The following METAP2 variants were observed in gnomAD, a reference collection of about 807,000 sequenced individuals.
METAP2 encodes the protein methionine aminopeptidase 2.
In METAP2, 25 loss-of-function variants were observed where a neutral mutation model predicts 59.4. That is an observed-to-expected ratio of 0.42 (90% CI 0.31 to 0.59). METAP2 has a LOEUF of 0.59. Ranked by LOEUF, METAP2 falls within the 20% of genes least tolerant of loss-of-function variation. METAP2 has a pLI of 0.16. For synonymous variants in METAP2, 214 were observed against 194.1 expected (o/e 1.10, Z -0.85); for missense variants, 366 against 581.2 (o/e 0.63, Z 3.81).
At chr12:95,503,582 C>T (rs1015069375) in intron 7 of METAP2, among the ~76,000 whole-genome samples, 3 of 152,156 alleles carry the variant, frequency 2.0e-5, no homozygotes, top group Non-Finnish European at 4.4e-5. Flanking sequence ...GCCTATGTGA[C>T]CAGAAGCAGC....
At chr12:95,505,009 C>A (rs1247257374) in intron 8 of METAP2, among the ~76,000 whole-genome samples, 1 of 152,206 alleles carries the variant, frequency 6.6e-6, no homozygotes, top group African/African-American at 2.4e-5. Context: ...CATCCCCCAG[C>A]CACCATCCTC....
chr12:95,488,360 T>C (rs1413339705), intron 4 of METAP2, among the ~76,000 whole-genome samples: 10 of 151,182 alleles, frequency 6.6e-5, no homozygotes. Context: ...ATAAAAAAAA[T>C]TAGCCGGGTG....
At chr12:95,503,830 A>G (rs140567578) in intron 7 of METAP2, among the ~76,000 whole-genome samples, 2 of 152,202 alleles carry the variant, frequency 1.3e-5, no homozygotes. Flanking sequence ...AGAGTTCCCA[A>G]GTACTTACAT....
chr12:95,487,313 A>G (rs991021874), intron 4 of METAP2, among the ~76,000 whole-genome samples: 8 of 148,860 alleles, frequency 5.4e-5, no homozygotes, highest in African/African-American at 2.0e-4. Flanking sequence ...CTGTAAAGAC[A>G]CCATTTTTTT....
In METAP2 at chr12:95,493,904, T is replaced by C. The variant is rs2076257537; in HGVS notation, c.429-152T>C. ...TAATTTCATTTGAGTTGGTTGCAAGTGTTTGGCTTTTTGTATTTCAGAAAC... is the reference window on the plus strand; with the variant it reads ...TAATTTCATTTGAGTTGGTTGCAAGCGTTTGGCTTTTTGTATTTCAGAAAC... On this transcript the variant is annotated intron_variant, in intron 4 of 10. Transcript: ENST00000323666. The C allele has an allele frequency of 1.2e-5, 7 of 590,178 alleles. No homozygotes were observed. In the South Asian group the frequency reaches 1.3e-4, roughly 11 times the overall value. 36.6% of individuals were successfully genotyped at this position (590,178 alleles called of 1,614,324 possible). A position where few individuals can be genotyped will look rare whatever the true frequency, so the allele number is the denominator to read the frequency against.
At chr12:95,478,585 T>C (rs1371374395) in intron 2 of METAP2, among the ~76,000 whole-genome samples, 2 of 151,340 alleles carry the variant, frequency 1.3e-5, no homozygotes, top group South Asian at 2.1e-4. Flanking sequence ...TCAGTGGAGG[T>C]TGCGCCATTG....
At chr12:95,503,878 G>A (rs2076335414) in intron 7 of METAP2, among the ~76,000 whole-genome samples, 187 bp from the exon 8 acceptor site, 1 of 152,098 alleles carries the variant, frequency 6.6e-6, no homozygotes, top group Non-Finnish European at 1.5e-5. Context: ...GTCTATTTAG[G>A]GAGGCAGATT....
At chr12:95,485,838 T>C (rs1184825531) in intron 3 of METAP2, 41 bp from the exon 4 acceptor site, 4 of 1,319,536 alleles carry the variant, frequency 3.0e-6, no homozygotes, top group South Asian at 2.9e-5. Flanking sequence ...CTTAATTTTA[T>C]TTTTAACTAC....
chr12:95,487,443 GCTT>G (rs990432289), intron 4 of METAP2, among the ~76,000 whole-genome samples: 69 of 152,082 alleles, frequency 4.5e-4, no homozygotes, highest in Admixed American at 2.2e-3. Flanking sequence ...TATGACATGG[GCTT>G]CTTTTCTTTG....
chr12:95,478,129 C>CA (rs1490726116), intron 2 of METAP2, among the ~76,000 whole-genome samples: 8 of 151,556 alleles, frequency 5.3e-5, no homozygotes, highest in African/African-American at 1.9e-4. Flanking sequence ...CCCCACCCCC[C>CA]AAAAAAAATC....
rs192139845 is a variant in METAP2, at chr12:95,513,400, A to C, written c.1185-252A>C. Among the ~76,000 whole-genome samples the C allele has an allele frequency of 2.0e-5, 3 of 152,342 alleles. No individual in the cohort carries two copies. The East Asian group carries it at 5.8e-4, about 29-fold the overall frequency. On this transcript the variant is annotated intron_variant, in intron 10 of 10. Coordinates refer to ENST00000323666, the MANE Select transcript of METAP2 (RefSeq NM_006838.4). ...GTCTCTAGTGGGGAATATAACACAC[A>C]CACACGCACACGCGCGCGCACGTAG...
chr12:95,487,623 TTTCC>T (rs2076207195), intron 4 of METAP2, among the ~76,000 whole-genome samples: 1 of 151,944 alleles, frequency 6.6e-6, no homozygotes, highest in South Asian at 2.1e-4. Context: ...TCCCTCTTCT[TTTCC>T]TTCCTTCCAG....
At chr12:95,498,759 A>T (rs1157969257) in intron 7 of METAP2, among the ~76,000 whole-genome samples, 1 of 152,156 alleles carries the variant, frequency 6.6e-6, no homozygotes, top group Non-Finnish European at 1.5e-5. Flanking sequence ...CATGCCTATA[A>T]TCTCAGCCCT....
At chr12:95,479,294 A>C (rs1325455973) in intron 2 of METAP2, among the ~76,000 whole-genome samples, 3 of 152,178 alleles carry the variant, frequency 2.0e-5, no homozygotes, top group African/African-American at 7.2e-5. Context: ...GCAGAATTCA[A>C]AAGACTTGGA....
In METAP2 at chr12:95,495,009, G is replaced by T. The variant is rs2076266802; in HGVS notation, c.643G>T (p.Ala215Ser). The change falls in exon 6 of 11, where the codon GCA becomes TCA. Residue 215 changes from alanine to serine, a missense_variant. Around this residue, in one of 4 missense-constraint regions of METAP2, gnomAD observed 106 missense variants for 221.9 expected, o/e 0.48. Transcript: ENST00000323666. ...GTTAATAAAAGAGAATGGATTAAAT[G>T]CAGGCCTGGCATTTCCTACTGGATG... ...RKLIKENGLN[A>S]GLAFPTGCSL... 6.2e-7 allele frequency: 1 copy of T among 1,613,634 alleles called. No individual in the cohort carries two copies. The highest frequency in any genetic ancestry group is 8.5e-7 in the Non-Finnish European group (1 of 1,179,762).
At chr12:95,479,037 A>G (rs926594464) in intron 2 of METAP2, among the ~76,000 whole-genome samples, 1 of 152,176 alleles carries the variant, frequency 6.6e-6, no homozygotes, top group Non-Finnish European at 1.5e-5. Flanking sequence ...GTGACTGGCC[A>G]CTGCACTCCA....
At chr12:95,510,407 T>G (rs1340218520) in intron 8 of METAP2, among the ~76,000 whole-genome samples, 1 of 152,224 alleles carries the variant, frequency 6.6e-6, no homozygotes, top group East Asian at 1.9e-4. Flanking sequence ...GGTGAAGGTC[T>G]TCTTGCTGCA....
intron 4 of METAP2, among the ~76,000 whole-genome samples, chr12:95,491,798 G>A (rs1028528804): frequency 7.4e-5 from 11 of 148,866 alleles, no homozygotes; most frequent in African/African-American, 2.2e-4. Context: ...AGGTGTGAGC[G>A]ACCATGCCTG....
chr12:95,494,989 T>C lies in METAP2; in HGVS notation c.623T>C (p.Ile208Thr). 6.2e-7 allele frequency: 1 copy of C among 1,613,606 alleles called. No homozygotes were observed. ...EKLEDCSRKL[I>T]KENGLNAGLA... is the part of the protein sequence containing the mutation. ...TTGGAAGACTGTTCACGCAAGTTAA[T>C]AAAAGAGAATGGATTAAATGCAGGC... Residue 208 changes from isoleucine (I) to threonine (T), a missense_variant, in exon 6 of 11, where the codon ATA becomes ACA. Physicochemically the swap from Ile to Thr is moderately conservative, Grantham distance 89. Around this residue, in one of 4 missense-constraint regions of METAP2, gnomAD observed 106 missense variants for 221.9 expected, o/e 0.48. Coordinates refer to ENST00000323666, the MANE Select transcript of METAP2 (RefSeq NM_006838.4).
Sources: allele counts gnomAD v4.1 joint callset (sites outside exome capture counted in the v4.1 genomes callset), GRCh38; gene constraint gnomAD v4.1.1; regional missense constraint gnomAD v4.1.1; transcripts MANE v1.5; gene names NCBI Gene and HGNC (gene_info 2026-07-23, HGNC 2026-07-21).